Variants in EP300 observed in about 807,000 individuals in gnomAD.
EP300 encodes histone acetyltransferase p300.
EP300 carries 31 observed loss-of-function variants against 264.0 expected under a neutral mutation model. That is an observed-to-expected ratio of 0.12 (90% CI 0.09 to 0.16). The LOEUF (loss-of-function observed/expected upper bound fraction) is 0.16, where lower values mean the gene tolerates loss of function less well. Among genes scored for constraint, EP300 ranks in the 10% least tolerant of loss-of-function variants. The pLI is 1.00. For synonymous variants in EP300, 1,340 were observed against 1,045.4 expected (o/e 1.28, Z -5.44); for missense variants, 2,766 against 3,052.9 (o/e 0.91, Z 2.21).
At chr22:41,132,215 T>C (rs1406939491) in intron 6 of EP300, among the ~76,000 whole-genome samples, 1 of 150,702 alleles carries the variant, frequency 6.6e-6, no homozygotes, top group Non-Finnish European at 1.5e-5. Context: ...AAAAATACTA[T>C]GTAGACATCT....
At chr22:41,135,665 T>A in intron 6 of EP300, 148 bp from the exon 7 acceptor site, 1 of 657,058 alleles carries the variant, frequency 1.5e-6, no homozygotes, top group Non-Finnish European at 2.8e-6. Flanking sequence ...AGCCTTTACA[T>A]ATGTGTTGCC....
chr22:41,138,285 G>A (rs185950933), intron 8 of EP300, among the ~76,000 whole-genome samples: 7 of 152,130 alleles, frequency 4.6e-5, no homozygotes, highest in East Asian at 3.9e-4. Flanking sequence ...TGTCTCAGCC[G>A]CCCAGGTAGC....
At chr22:41,151,407 ACT>A (rs2059044395) in intron 14 of EP300, among the ~76,000 whole-genome samples, 1 of 152,104 alleles carries the variant, frequency 6.6e-6, no homozygotes, top group African/African-American at 2.4e-5. Context: ...CAAAACAGCC[ACT>A]CTCTGGGACA....
At chr22:41,157,993 G>T (rs1337828884) in intron 18 of EP300, among the ~76,000 whole-genome samples, 2 of 152,226 alleles carry the variant, frequency 1.3e-5, no homozygotes, top group Admixed American at 6.5e-5. Context: ...TCACCTGTGG[G>T]TGCAGATTCC....
At chr22:41,126,729 C>CTTTTT (rs71328775) in intron 3 of EP300, among the ~76,000 whole-genome samples, 637 of 48,830 alleles carry the variant, frequency 0.013, 126 homozygotes, top group South Asian at 0.031. Context: ...GAAATGTTCA[C>CTTTTT]TTTTTTTTTT....
chr22:41,152,170 C>G (rs775611620), intron 15 of EP300, 36 bp from the exon 16 acceptor site: 5 of 1,608,514 alleles, frequency 3.1e-6, no homozygotes, highest in Non-Finnish European at 2.6e-6. Context: ...AACTAGATAT[C>G]TTTGGAATAC....
Position 41,127,491 on chromosome 22 carries a change from A to T in EP300, c.911A>T (p.Gln304Leu). Reference sequence around the variant, plus strand: ...ATATATTGTTATATCTCTCAGGGTCAACAGCCAGCCCCGCAGGTCCAGCAG... The same window carrying T: ...ATATATTGTTATATCTCTCAGGGTCTACAGCCAGCCCCGCAGGTCCAGCAG... Reference protein sequence around the residue: ...VPGGGMPNMGQQPAPQVQQPG... With the variant: ...VPGGGMPNMGLQPAPQVQQPG... The change falls in exon 4 of 31, where the codon CAA (glutamine) becomes CTA (leucine). Residue 304 changes from glutamine (Q) to leucine (L), a missense_variant. Coordinates refer to ENST00000263253, the MANE Select transcript of EP300 (RefSeq NM_001429.4). 1 of 1,614,194 alleles carries T rather than the reference A, an allele frequency of 6.2e-7. No homozygotes were observed. Among genetic ancestry groups the T allele is most frequent in the Non-Finnish European group, 8.5e-7 (1 of 1,180,034 alleles).
At chr22:41,120,858 A>G (rs934811432) in intron 2 of EP300, among the ~76,000 whole-genome samples, 13 of 152,192 alleles carry the variant, frequency 8.5e-5, no homozygotes, top group Non-Finnish European at 1.9e-4. Context: ...AGCTAGTACT[A>G]CAAGGACTGT....
In EP300 at chr22:41,177,925, A is replaced by G; in HGVS notation, c.6214A>G (p.Ser2072Gly). Reference sequence around the variant, plus strand: ...TCCCCTGCAGCAGCAACAGGTGCTTAGTATCCTTCACGCCAACCCCCAGCT... The same window carrying G: ...TCCCCTGCAGCAGCAACAGGTGCTTGGTATCCTTCACGCCAACCCCCAGCT... Reference protein sequence around the residue: ...SSPLQQQQVLSILHANPQLLA... With the variant: ...SSPLQQQQVLGILHANPQLLA... The change falls in exon 31 of 31, where the codon AGT becomes GGT. Residue 2072 changes from serine to glycine, a missense_variant. Physicochemically the swap from Ser to Gly is moderately conservative, Grantham distance 56 (BLOSUM62 0). Transcript: ENST00000263253. The G allele has an allele frequency of 6.2e-7, 1 of 1,614,088 alleles. No individual in the cohort carries two copies. The highest frequency in any genetic ancestry group is 8.5e-7 in the Non-Finnish European group (1 of 1,179,986).
chr22:41,119,172 A>ATTTTTTTTTTTTTTTTTTTTTTTTTTT lies in EP300; in HGVS notation c.729+1353_729+1354insTTTTTTTTTTTTTTTTTTTTTTTTTTT. On this transcript the variant is annotated intron_variant, in intron 2 of 30. Coordinates refer to ENST00000263253, the MANE Select transcript of EP300 (RefSeq NM_001429.4). ...CACATACCACCATGCCTGGCTTATT[A>ATTTTTTTTTTTTTTTTTTTTTTTTTTT]TTATTTTTTTTTTTTTTTTTTTTTT... is the stretch of plus-strand genomic sequence containing the variant. Among the ~76,000 whole-genome samples, 2 of 107,274 alleles carry ATTTTTTTTTTTTTTTTTTTTTTTTTTT rather than the reference A, an allele frequency of 1.9e-5. 1 individual carries two copies. The highest frequency in any genetic ancestry group is 3.6e-5 in the Non-Finnish European group (2 of 56,234). 70.4% of individuals were successfully genotyped at this position (107,274 alleles called of 152,430 possible).
chr22:41,129,906 T>C lies in EP300; in HGVS notation c.1185T>C (p.Ser395=), dbSNP rs1181430926. 6.2e-7 allele frequency: 1 copy of C among 1,613,996 alleles called. No homozygotes were observed. The change falls in exon 5 of 31, where the codon TCT becomes TCC. Residue 395 remains serine (S), a synonymous_variant. Coordinates refer to ENST00000263253, the MANE Select transcript of EP300 (RefSeq NM_001429.4). Reference sequence around the variant, plus strand: ...TCTCTTTAGTGGCACACTGTGCATCTTCTCGACAAATCATTTCACACTGGA... The same window carrying C: ...TCTCTTTAGTGGCACACTGTGCATCCTCTCGACAAATCATTTCACACTGGA... ...GKSCQVAHCA[S]SRQIISHWKN...
chr22:41,179,285 A>ATTAT lies in EP300; in HGVS notation c.*332_*335dup. On this transcript the variant is annotated 3_prime_UTR_variant, in exon 31 of 31. Coordinates refer to ENST00000263253, the MANE Select transcript of EP300 (RefSeq NM_001429.4). ...CTGCCTTGCACCTCCAATAGGTTTT[A>ATTAT]TTATTTTTTTTAAATTAATGAACAT... The ATTAT allele has an allele frequency of 3.3e-6, 1 of 305,742 alleles. No individual in the cohort carries two copies. The allele number at this position is 305,742 out of a possible 1,614,324, so 18.9% of individuals were successfully genotyped here. A position where few individuals can be genotyped will look rare whatever the true frequency, so the allele number is the denominator to read the frequency against.
In EP300 at chr22:41,179,218, A is replaced by C; in HGVS notation, c.*262A>C. The C allele has an allele frequency of 2.0e-6, 1 of 498,658 alleles. No homozygotes were observed. The allele number at this position is 498,658 out of a possible 1,614,324, so 30.9% of individuals were successfully genotyped here. The stretch of plus-strand genomic sequence containing the variant: ...CTTTGTGTGTGTGGTTCAAGTGTGC[A>C]CTGGGAGGAGGCTGAGGCCTGTGAA... On this transcript the variant is annotated 3_prime_UTR_variant, in exon 31 of 31. Transcript: ENST00000263253.
Position 41,117,567 on chromosome 22 carries a change from A to G in EP300, c.475A>G (p.Asn159Asp), listed in dbSNP as rs778517408. ...AACAGGTATGATGAACAGTCCAGTA[A>G]ATCAGCCTGCCATGGGAATGAACAC... is the stretch of plus-strand genomic sequence containing the variant. ...QSTGMMNSPV[N>D]QPAMGMNTGM... Residue 159 changes from asparagine to aspartate, a missense_variant, in exon 2 of 31, where the codon AAT becomes GAT. Transcript: ENST00000263253. 6.2e-7 allele frequency: 1 copy of G among 1,614,266 alleles called. No individual in the cohort carries two copies. The highest frequency in any genetic ancestry group is 8.5e-7 in the Non-Finnish European group (1 of 1,180,048).
intron 6 of EP300, among the ~76,000 whole-genome samples, chr22:41,135,408 TTGAA>T (rs2058944893): frequency 6.6e-6 from 1 of 152,174 alleles, no homozygotes; most frequent in African/African-American, 2.4e-5. Context: ...GCACAATTAT[TTGAA>T]TGATAATTTT....
intron 11 of EP300, among the ~76,000 whole-genome samples, chr22:41,147,289 G>C (rs913526164): frequency 1.4e-5 from 2 of 140,842 alleles, no homozygotes; most frequent in African/African-American, 5.2e-5. Flanking sequence ...CTGAGTGACA[G>C]CAAGACTTCG....
chr22:41,096,441 C>CA (rs1268196573), intron 1 of EP300, among the ~76,000 whole-genome samples: 3 of 152,068 alleles, frequency 2.0e-5, no homozygotes, highest in Non-Finnish European at 4.4e-5. Context: ...AAAGATCCTT[C>CA]TGGTCTTGGT....
chr22:41,099,880 T>G (rs566587003), intron 1 of EP300, among the ~76,000 whole-genome samples: 19 of 152,238 alleles, frequency 1.2e-4, no homozygotes, highest in Non-Finnish European at 2.4e-4. Flanking sequence ...GGAGGGGAGA[T>G]TCACTACCCG....
chr22:41,169,080 A>C (rs1264569361), intron 25 of EP300: 25 of 662,198 alleles, frequency 3.8e-5, no homozygotes, highest in Non-Finnish European at 6.3e-5. Context: ...TCATAGTAAT[A>C]AAGGATATGA....
Sources: gnomAD v4.1 joint callset for allele counts (sites outside exome capture counted in the v4.1 genomes callset) on GRCh38, gnomAD v4.1.1 for gene constraint, MANE v1.5 for transcripts, NCBI Gene and HGNC (gene_info 2026-07-23, HGNC 2026-07-21) for gene names.